TTF1: variants seen among roughly 807,000 people sequenced by gnomAD.
TTF1 encodes transcription termination factor 1.
TTF1 carries 64 observed loss-of-function variants against 80.2 expected under a neutral mutation model. The observed-to-expected ratio is 0.80, with a 90% CI of 0.65 to 0.98. TTF1 has a LOEUF of 0.98. TTF1 is among the 50% of genes least tolerant of loss of function. TTF1 has a pLI of 0.00. For synonymous variants in TTF1, 372 were observed against 382.7 expected, an observed-to-expected ratio of 0.97 and a Z score of 0.33; for missense variants, 1,023 against 1,086.2, an observed-to-expected ratio of 0.94 and a Z score of 0.82.
chr9:132,385,081 G>A (rs1274228292), intron 9 of TTF1, among the ~76,000 whole-genome samples: 2 of 152,246 alleles, frequency 1.3e-5, no homozygotes, highest in South Asian at 4.1e-4. Context: ...TATTTGAATT[G>A]TTACACACAA....
intron 10 of TTF1, among the ~76,000 whole-genome samples, chr9:132,376,499 C>A (rs117903511): frequency 1.3e-5 from 2 of 152,018 alleles, no homozygotes; most frequent in Admixed American, 6.6e-5. Flanking sequence ...GCCCAGGGTA[C>A]GATATCACCC....
At chr9:132,403,906 G>A (rs904602829) in intron 1 of TTF1, among the ~76,000 whole-genome samples, 4 of 152,134 alleles carry the variant, frequency 2.6e-5, no homozygotes, top group Non-Finnish European at 5.9e-5. Context: ...GACGTTCTGC[G>A]ATACACTGGA....
chr9:132,392,634 G>T (rs1481033896), intron 5 of TTF1, among the ~76,000 whole-genome samples: 1 of 152,128 alleles, frequency 6.6e-6, no homozygotes, highest in Non-Finnish European at 1.5e-5. Context: ...CCATAGCACT[G>T]GTCACAACCT....
At position 132,402,178 on chromosome 9, in the gene TTF1, T is replaced by G; in HGVS notation, c.644A>C (p.His215Pro). The G allele has an allele frequency of 1.9e-6, 3 of 1,614,196 alleles. No individual in the cohort carries two copies. Among genetic ancestry groups the G allele is most frequent in the Non-Finnish European group, 2.5e-6 (3 of 1,180,028 alleles). The change falls in exon 2 of 11, where the codon CAT becomes CCT. Residue 215 changes from histidine to proline, a missense_variant. Coordinates refer to ENST00000334270, the MANE Select transcript of TTF1 (RefSeq NM_007344.4). ...GEITELPASA[H>P]KNKSKKKKKK... ...CTTTTTTTTCTTAGACTTGTTTTTA[T>G]GAGCAGATGCTGGTAGTTCTGTAAT...
intron 3 of TTF1, 84 bp downstream of exon 3, chr9:132,399,950 TA>T: frequency 7.2e-7 from 1 of 1,380,668 alleles, no homozygotes; most frequent in Non-Finnish European, 1.0e-6. Context: ...TGTCGATCTA[TA>T]AATCTGAATC....
In TTF1 at chr9:132,378,685, TGTGTGAGTGCATGTG is replaced by T. The variant is rs527473969; in HGVS notation, c.2464+359_2464+373del. ...CGTGTGTGAGTGCATGCATGTGGTGTGTGTGAGTGCATGTGGTGTGAGTGCATGTGGTGTGTGTGA... is the reference window on the plus strand; with the variant it reads ...CGTGTGTGAGTGCATGCATGTGGTGTGTGTGAGTGCATGTGGTGTGTGTGA... On this transcript the variant is annotated intron_variant, in intron 10 of 10. Transcript: ENST00000334270. Among the ~76,000 whole-genome samples, 479 of 133,044 alleles carry T rather than the reference TGTGTGAGTGCATGTG, an allele frequency of 3.6e-3. 1 individual carries two copies. Among genetic ancestry groups the T allele is most frequent in the Non-Finnish European group, 6.1e-3 (390 of 63,540 alleles). The allele number at this position is 133,044 out of a possible 152,430, so 87.3% of individuals were successfully genotyped here.
chr9:132,401,946 G>A lies in TTF1; in HGVS notation c.876C>T (p.Ala292=). 1 of 1,611,222 alleles carries A rather than the reference G, an allele frequency of 6.2e-7. No homozygotes were observed. Among genetic ancestry groups the A allele is most frequent in the Non-Finnish European group, 8.5e-7 (1 of 1,178,834 alleles). The change falls in exon 2 of 11, where the codon GCC becomes GCT. Residue 292 remains alanine (A), a synonymous_variant. Transcript: ENST00000334270. ...TGCCCACTTGTGATCCTTCAGGCAT[G>A]GCCAATGCCTCAAATTCCTGGTGAT... ...KSNHQEFEAL[A]MPEGSQVGSE...
Position 132,398,124 on chromosome 9 carries a change from A to G in TTF1, c.1777+17T>C, listed in dbSNP as rs1849688216. On this transcript the variant is annotated intron_variant, in intron 4 of 10. Transcript: ENST00000334270. ...GAAGGCTGTGGATGGTCAAAGGGTGATTGTTTCTAAACTTACCAATGTGTA... is the reference window on the plus strand; with the variant it reads ...GAAGGCTGTGGATGGTCAAAGGGTGGTTGTTTCTAAACTTACCAATGTGTA... The G allele has an allele frequency of 6.4e-7, 1 of 1,557,896 alleles. No individual in the cohort carries two copies.
intron 1 of TTF1, among the ~76,000 whole-genome samples, chr9:132,404,333 C>G (rs1415298534): frequency 6.6e-6 from 1 of 152,080 alleles, no homozygotes; most frequent in Non-Finnish European, 1.5e-5. Flanking sequence ...CTGTATTAGA[C>G]AAGGAATATG....
At position 132,402,265 on chromosome 9, in the gene TTF1, G is replaced by T; in HGVS notation, c.557C>A (p.Thr186Asn). ...ASWESQRARD[T>N]LPQSESHQEE... Reference sequence around the variant, plus strand: ...CTGGTGGGATTCTGACTGAGGCAGGGTGTCCCTTGCCCGCTGGCTCTCCCA... The same window carrying T: ...CTGGTGGGATTCTGACTGAGGCAGGTTGTCCCTTGCCCGCTGGCTCTCCCA... Residue 186 changes from threonine (T) to asparagine (N), a missense_variant, in exon 2 of 11, where the codon ACC becomes AAC. Physicochemically the swap from Thr to Asn is moderately conservative, Grantham distance 65. Coordinates refer to ENST00000334270, the MANE Select transcript of TTF1 (RefSeq NM_007344.4). 3 of 1,614,108 alleles carry T rather than the reference G, an allele frequency of 1.9e-6. No homozygotes were observed. Among genetic ancestry groups the T allele is most frequent in the Non-Finnish European group, 2.5e-6 (3 of 1,180,010 alleles).
chr9:132,400,083 G>A lies in TTF1; in HGVS notation c.1543C>T (p.Arg515Trp), dbSNP rs1849732681. Reference sequence around the variant, plus strand: ...CGTTCCAAGTCGTCCCGGTACATCCGCTTGATTGTGCTGGTGGCCCTGTCC... The same window carrying A: ...CGTTCCAAGTCGTCCCGGTACATCCACTTGATTGTGCTGGTGGCCCTGTCC... Reference protein sequence around the residue: ...IKDRATSTIKRMYRDDLERFK... With the variant: ...IKDRATSTIKWMYRDDLERFK... Residue 515 changes from arginine (R) to tryptophan (W), a missense_variant, in exon 3 of 11, where the codon CGG (arginine) becomes TGG (tryptophan). Physicochemically the swap from Arg to Trp is moderately radical, Grantham distance 101 (BLOSUM62 -3). Transcript: ENST00000334270. 4 of 1,614,136 alleles carry A rather than the reference G, an allele frequency of 2.5e-6. No individual in the cohort carries two copies. Among genetic ancestry groups the A allele is most frequent in the South Asian group, 1.1e-5 (1 of 91,074 alleles).
Position 132,384,382 on chromosome 9 carries a change from G to A in TTF1, c.2378+2174C>T, listed in dbSNP as rs537738377. ...ACTCAAAGAGAGCTGAAGGGAGGGC[G>A]TGATAAAGAGCTGACATTAGAATAA... is the stretch of plus-strand genomic sequence containing the variant. On this transcript the variant is annotated intron_variant, in intron 9 of 10. Coordinates refer to ENST00000334270, the MANE Select transcript of TTF1 (RefSeq NM_007344.4). This position sits in a 1 kb window ranked among gnomAD's most constrained non-coding sequence, Gnocchi z 4.1. Among the ~76,000 whole-genome samples, 14 of 152,268 alleles carry A rather than the reference G, an allele frequency of 9.2e-5. No individual in the cohort carries two copies. Among genetic ancestry groups the A allele is most frequent in the African/African-American group, 3.4e-4 (14 of 41,546 alleles).
Position 132,384,286 on chromosome 9 carries a change from T to C in TTF1, c.2378+2270A>G, listed in dbSNP as rs1022387896. 6.6e-6 allele frequency among the ~76,000 whole-genome samples: 1 copy of C among 152,014 alleles called. No homozygotes were observed. The highest frequency in any genetic ancestry group is 1.5e-5 in the Non-Finnish European group (1 of 68,004). ...GAAAACATATGGCCTTAAATGTATA[T>C]TACAAAGAAAGAAAAATGGAAAATG... On this transcript the variant is annotated intron_variant, in intron 9 of 10. Transcript: ENST00000334270. The surrounding 1 kb of genome is among the most constrained non-coding windows in gnomAD (Gnocchi z 4.1).
chr9:132,398,475 T>C (rs1054949358), intron 3 of TTF1, 149 bp from the exon 4 acceptor site: 4 of 754,952 alleles, frequency 5.3e-6, no homozygotes, highest in Non-Finnish European at 8.2e-6. Flanking sequence ...CTTGCAGATT[T>C]GGCCTTTCCT....
At chr9:132,399,628 C>T (rs889694496) in intron 3 of TTF1, among the ~76,000 whole-genome samples, 5 of 152,118 alleles carry the variant, frequency 3.3e-5, no homozygotes, top group African/African-American at 1.2e-4. Flanking sequence ...ATCAAGTCTA[C>T]CACAACTGGC....
chr9:132,400,407 T>G, intron 2 of TTF1, 149 bp from the exon 3 acceptor site: 1 of 655,860 alleles, frequency 1.5e-6, no homozygotes, highest in Non-Finnish European at 2.6e-6. Context: ...CACTGCAACT[T>G]CTGCCTCCCG....
chr9:132,381,148 G>A (rs868101927), intron 9 of TTF1, among the ~76,000 whole-genome samples: 26 of 151,558 alleles, frequency 1.7e-4, no homozygotes, highest in African/African-American at 5.8e-4. Context: ...AAAATCATGT[G>A]ATCTGAAGAA....
rs528758178 is a variant in TTF1, at chr9:132,404,396, C to T, written c.-7-1568G>A. Among the ~76,000 whole-genome samples, 3 of 150,900 alleles carry T rather than the reference C, an allele frequency of 2.0e-5. No homozygotes were observed. The East Asian group carries it at 5.8e-4, about 29-fold the overall frequency. ...TTGCACTGCCACATCCTCTCTCTCT[C>T]TGTCTCGCTGCAACAAAGGAAGTGT... On this transcript the variant is annotated intron_variant, in intron 1 of 10. Transcript: ENST00000334270.
Position 132,402,503 on chromosome 9 carries a change from C to G in TTF1, c.319G>C (p.Val107Leu). Residue 107 changes from valine (V) to leucine (L), a missense_variant, in exon 2 of 11, where the codon GTG becomes CTG. Transcript: ENST00000334270. Reference protein sequence around the residue: ...DEEAGVTVVLVDKENINNTPK... With the variant: ...DEEAGVTVVLLDKENINNTPK... ...GTGTTGTTAATATTTTCTTTATCCA[C>G]AAGGACAACTGTAACACCTGCTTCC... is the stretch of plus-strand genomic sequence containing the variant. 1 of 1,614,210 alleles carries G rather than the reference C, an allele frequency of 6.2e-7. No individual in the cohort carries two copies. The highest frequency in any genetic ancestry group is 2.2e-5 in the East Asian group (1 of 44,884).
Sources: gnomAD v4.1 joint callset for allele counts (sites outside exome capture counted in the v4.1 genomes callset) on GRCh38, gnomAD v4.1.1 for gene constraint, Gnocchi (gnomAD v3.1) non-coding constraint, MANE v1.5 for transcripts, NCBI Gene and HGNC (gene_info 2026-07-23, HGNC 2026-07-21) for gene names.